Variants in HCN2 observed in about 807,000 individuals in gnomAD.
HCN2 encodes the protein hyperpolarization activated cyclic nucleotide gated potassium and sodium channel 2.
Under a neutral mutation model 52.3 loss-of-function variants are expected in HCN2, and 20 were observed. That is an observed-to-expected ratio of 0.38 (90% CI 0.27 to 0.56). The LOEUF (loss-of-function observed/expected upper bound fraction) is 0.56. Ranked by LOEUF, HCN2 falls within the 20% of genes least tolerant of loss-of-function variation. The pLI, the probability that HCN2 is intolerant of heterozygous loss-of-function variation, is 0.71. For synonymous variants in HCN2, 694 were observed against 537.0 expected (o/e 1.29, Z -4.04); for missense variants, 981 against 1,207.7 (o/e 0.81, Z 2.78).
chr19:607,152 C>T (rs1287834682), intron 3 of HCN2, among the ~76,000 whole-genome samples: 1 of 152,238 alleles, frequency 6.6e-6, no homozygotes, highest in Non-Finnish European at 1.5e-5. Context: ...GCCTGGGCGA[C>T]AAGAGCGAAA....
At chr19:604,021 C>G (rs553831274) in intron 2 of HCN2, 54 bp downstream of exon 2, 1 of 1,182,928 alleles carries the variant, frequency 8.5e-7, no homozygotes, top group African/African-American at 1.6e-5. Context: ...TATAATGGTG[C>G]ATGGGCGGGG....
At chr19:600,443 C>T (rs928514460) in intron 1 of HCN2, among the ~76,000 whole-genome samples, 5 of 152,112 alleles carry the variant, frequency 3.3e-5, no homozygotes, top group African/African-American at 1.2e-4. Flanking sequence ...CTGGTTCAAG[C>T]GATTCTCCTG....
chr19:615,904 G>A lies in HCN2; in HGVS notation c.2100G>A (p.Glu700=), dbSNP rs776113031. 6.2e-7 allele frequency: 1 copy of A among 1,612,530 alleles called. No individual in the cohort carries two copies. The highest frequency in any genetic ancestry group is 8.5e-7 in the Non-Finnish European group (1 of 1,179,864). The change falls in exon 8 of 8, where the codon GAG becomes GAA. Residue 700 remains glutamate (E), a synonymous_variant. Transcript: ENST00000251287. The part of the protein sequence containing the change: ...IIQEIVKYDR[E]MVQQAELGQR... ...AGGAGATCGTCAAGTACGACCGCGA[G>A]ATGGTGCAGCAGGCCGAGCTGGGTC...
rs565180543 is a variant in HCN2, at chr19:615,625, A to G, written c.1991-170A>G. Among the ~76,000 whole-genome samples, 3 of 152,236 alleles carry G rather than the reference A, an allele frequency of 2.0e-5. No homozygotes were observed. In the East Asian group the frequency reaches 5.8e-4, roughly 29 times the overall value. Reference sequence around the variant, plus strand: ...ATGGCAGGTACTCAATATCCATACTATAGGCCAGAGATGCTACATATGTGC... The same window carrying G: ...ATGGCAGGTACTCAATATCCATACTGTAGGCCAGAGATGCTACATATGTGC... On this transcript the variant is annotated intron_variant, in intron 7 of 7. Transcript: ENST00000251287.
In HCN2 at chr19:613,503, G is replaced by GC. The variant is rs748104882; in HGVS notation, c.1825+15_1825+16insC. ...CTACTTCGGGGGTGAGCTTGAGGGG[G>GC]GCGCGCCTGGAGGGGGAGGGGGCAC... On this transcript the variant is annotated intron_variant, in intron 6 of 7. Coordinates refer to ENST00000251287, the MANE Select transcript of HCN2 (RefSeq NM_001194.4). The GC allele has an allele frequency of 2.6e-6, 4 of 1,564,900 alleles. No individual in the cohort carries two copies. In the East Asian group the frequency reaches 9.1e-5, roughly 35 times the overall value.
At chr19:594,290 A>G (rs1031506729) in intron 1 of HCN2, among the ~76,000 whole-genome samples, 3 of 151,740 alleles carry the variant, frequency 2.0e-5, no homozygotes, top group Non-Finnish European at 4.4e-5. Context: ...GTGCCCTGGG[A>G]GCTCTGGGGG....
chr19:589,995 C>T lies in HCN2; in HGVS notation c.50C>T (p.Thr17Ile), dbSNP rs1444877577. ...CGGCCCGGGGAGAGCCCGGGCGCGACCCCCGCGCCGGGGCCGCCGCCGCCG... is the reference window on the plus strand; with the variant it reads ...CGGCCCGGGGAGAGCCCGGGCGCGATCCCCGCGCCGGGGCCGCCGCCGCCG... ...GGRPGESPGA[T>I]PAPGPPPPPP... Residue 17 changes from threonine (T) to isoleucine (I), a missense_variant, in exon 1 of 8, where the codon ACC (threonine) becomes ATC (isoleucine). Around this residue, in one of 6 missense-constraint regions of HCN2, gnomAD observed 215 missense variants for 179.4 expected, o/e 1.20. Transcript: ENST00000251287. The T allele has an allele frequency of 2.7e-6, 2 of 728,876 alleles. No homozygotes were observed. The highest frequency in any genetic ancestry group is 3.3e-6 in the Non-Finnish European group (2 of 608,202). The allele number at this position is 728,876 out of a possible 1,614,324, so 45.2% of individuals were successfully genotyped here. A position where few individuals can be genotyped will look rare whatever the true frequency, so the allele number is the denominator to read the frequency against.
chr19:604,105 C>G (rs1983316145), intron 2 of HCN2, 138 bp downstream of exon 2: 2 of 582,004 alleles, frequency 3.4e-6, no homozygotes, highest in Non-Finnish European at 5.6e-6. Context: ...TATGAGAGAT[C>G]TGGGTGGGGT....
intron 1 of HCN2, among the ~76,000 whole-genome samples, chr19:596,362 G>A (rs978223100): frequency 1.3e-5 from 2 of 152,190 alleles, no homozygotes; most frequent in African/African-American, 4.8e-5. Flanking sequence ...ACTCTGGAGT[G>A]AGAGGGGGTC....
At position 613,832 on chromosome 19, in the gene HCN2, C is replaced by G. The variant is rs56165058; in HGVS notation, c.1826-20C>G. ...GGCGCCCGCCTCGTCCAGCAACCCC[C>G]CCCTGCGCGCCACGTGCAGAGATCT... On this transcript the variant is annotated intron_variant, in intron 6 of 7. Transcript: ENST00000251287. 5.7e-3 allele frequency: 8,669 copies of G among 1,529,784 alleles called. 48 individuals are homozygous for G. Among genetic ancestry groups the G allele is most frequent in the South Asian group, 0.011 (884 of 80,586 alleles). The allele number at this position is 1,529,784 out of a possible 1,614,324, so 94.8% of individuals were successfully genotyped here.
At position 590,564 on chromosome 19, in the gene HCN2, T is replaced by C; in HGVS notation, c.619T>C (p.Tyr207His). 6.9e-7 allele frequency: 1 copy of C among 1,453,162 alleles called. No individual in the cohort carries two copies. The highest frequency in any genetic ancestry group is 9.2e-7 in the Non-Finnish European group (1 of 1,089,256). The allele number at this position is 1,453,162 out of a possible 1,614,324, so 90.0% of individuals were successfully genotyped here. Reference protein sequence around the residue: ...KSAGAWIIHPYSDFRFYWDFT... With the variant: ...KSAGAWIIHPHSDFRFYWDFT... Reference sequence around the variant, plus strand: ...GGCGGGGGCCTGGATCATCCACCCGTACAGCGACTTCAGGTACCGCCTCCG... The same window carrying C: ...GGCGGGGGCCTGGATCATCCACCCGCACAGCGACTTCAGGTACCGCCTCCG... Residue 207 changes from tyrosine (Y) to histidine (H), a missense_variant, in exon 1 of 8, where the codon TAC (tyrosine) becomes CAC (histidine). Physicochemically the swap from Tyr to His is moderately conservative, Grantham distance 83. Around this residue, in one of 6 missense-constraint regions of HCN2, gnomAD observed 282 missense variants for 553.8 expected, o/e 0.51. Coordinates refer to ENST00000251287, the MANE Select transcript of HCN2 (RefSeq NM_001194.4). This position sits in a 1 kb window ranked among gnomAD's most constrained non-coding sequence, Gnocchi z 7.2.
At chr19:601,379 T>C (rs1045200496) in intron 1 of HCN2, among the ~76,000 whole-genome samples, 4 of 152,330 alleles carry the variant, frequency 2.6e-5, no homozygotes, top group African/African-American at 9.6e-5. Context: ...CGCCGTGGCC[T>C]GGGTCAGAGC....
chr19:594,164 G>A (rs966660770), intron 1 of HCN2, among the ~76,000 whole-genome samples: 4 of 151,976 alleles, frequency 2.6e-5, no homozygotes, highest in Non-Finnish European at 5.9e-5. Flanking sequence ...AGGGAGGGGC[G>A]GTCTGAGGAG....
chr19:612,545 C>G (rs1415945918), intron 5 of HCN2, among the ~76,000 whole-genome samples: 3 of 151,942 alleles, frequency 2.0e-5, no homozygotes, highest in African/African-American at 4.8e-5. Context: ...TCCCGAGTAG[C>G]TGGGATTACA....
Position 590,439 on chromosome 19 carries a change from G to T in HCN2, c.494G>T (p.Arg165Leu). ...PRGSQASFMQRQFGALLQPGV... is the reference protein window; with the variant it reads ...PRGSQASFMQLQFGALLQPGV... Reference sequence around the variant, plus strand: ...GGCAGCCAGGCCAGCTTCATGCAGCGCCAGTTCGGCGCGCTCCTGCAGCCG... The same window carrying T: ...GGCAGCCAGGCCAGCTTCATGCAGCTCCAGTTCGGCGCGCTCCTGCAGCCG... The change falls in exon 1 of 8, where the codon CGC becomes CTC. Residue 165 changes from arginine (R) to leucine (L), a missense_variant. Arg to Leu is a moderately radical substitution (Grantham distance 102). This residue lies in a region of HCN2 where 215 missense variants were observed against 179.4 expected (regional missense o/e 1.20). Transcript: ENST00000251287. The surrounding 1 kb of genome is among the most constrained non-coding windows in gnomAD (Gnocchi z 7.2). The T allele has an allele frequency of 2.7e-6, 4 of 1,496,788 alleles. No homozygotes were observed. The highest frequency in any genetic ancestry group is 3.6e-6 in the Non-Finnish European group (4 of 1,116,390). 92.7% of individuals were successfully genotyped at this position (1,496,788 alleles called of 1,614,324 possible).
At chr19:609,901 G>GAA (rs113311277) in intron 4 of HCN2, among the ~76,000 whole-genome samples, 1 of 149,366 alleles carries the variant, frequency 6.7e-6, no homozygotes, top group African/African-American at 2.4e-5. Flanking sequence ...CAGTGTCTCA[G>GAA]AAAAAAAAAA....
At chr19:599,832 G>A (rs1983146822) in intron 1 of HCN2, among the ~76,000 whole-genome samples, 1 of 148,832 alleles carries the variant, frequency 6.7e-6, no homozygotes, top group East Asian at 2.0e-4. Context: ...TTGGTACAGG[G>A]ATGGGAAGGG....
rs935484645 is a variant in HCN2, at chr19:590,483, C to T, written c.538C>T (p.Leu180=). ...GCAGCCGGGCGTCAACAAGTTCTCG[C>T]TGCGGATGTTCGGCAGCCAGAAGGC... The part of the protein sequence containing the change: ...LLQPGVNKFS[L]RMFGSQKAVE... Residue 180 remains leucine, a synonymous_variant, in exon 1 of 8, where the codon CTG becomes TTG. Coordinates refer to ENST00000251287, the MANE Select transcript of HCN2 (RefSeq NM_001194.4). This position sits in a 1 kb window ranked among gnomAD's most constrained non-coding sequence, Gnocchi z 7.2. 1.3e-6 allele frequency: 2 copies of T among 1,524,302 alleles called. No individual in the cohort carries two copies. The highest frequency in any genetic ancestry group is 1.4e-5 in the African/African-American group (1 of 69,810). 94.4% of individuals were successfully genotyped at this position (1,524,302 alleles called of 1,614,324 possible). A position where few individuals can be genotyped will look rare whatever the true frequency, so the allele number is the denominator to read the frequency against.
chr19:602,028 C>T (rs559043807), intron 1 of HCN2, among the ~76,000 whole-genome samples: 9 of 151,542 alleles, frequency 5.9e-5, no homozygotes, highest in South Asian at 2.1e-4. Context: ...CCCACCCTCT[C>T]GGCCTCCCCT....
Sources: gnomAD v4.1 joint callset for allele counts (sites outside exome capture counted in the v4.1 genomes callset) on GRCh38, gnomAD v4.1.1 for gene constraint, gnomAD v4.1.1 regional missense constraint, Gnocchi (gnomAD v3.1) non-coding constraint, MANE v1.5 for transcripts, NCBI Gene and HGNC (gene_info 2026-07-23, HGNC 2026-07-21) for gene names.